The following GLI3 variants were observed in gnomAD, a reference collection of about 807,000 sequenced individuals.
GLI3 encodes the protein transcription activator GLI3.
GLI3 carries 20 observed loss-of-function variants against 100.8 expected under a neutral mutation model. That is an observed-to-expected ratio of 0.20 (90% CI 0.14 to 0.29). The LOEUF (loss-of-function observed/expected upper bound fraction) is 0.29, where lower values mean the gene tolerates loss of function less well. Ranked by LOEUF, GLI3 falls within the 10% of genes least tolerant of loss-of-function variation. GLI3 has a pLI of 1.00. For missense variants in GLI3, 2,040 were observed against 2,128.5 expected (o/e 0.96, Z 0.82); for synonymous variants, 938 against 860.5 (o/e 1.09, Z -1.58).
At chr7:42,117,925 AC>A (rs1471702227) in intron 3 of GLI3, among the ~76,000 whole-genome samples, 2 of 152,170 alleles carry the variant, frequency 1.3e-5, no homozygotes, top group African/African-American at 4.8e-5. Flanking sequence ...CCATGGAAGG[AC>A]GGCACCATAG....
chr7:42,001,628 C>A (rs1788298634), intron 10 of GLI3, among the ~76,000 whole-genome samples: 1 of 151,932 alleles, frequency 6.6e-6, no homozygotes, highest in South Asian at 2.1e-4. Context: ...AAAGGGATGG[C>A]AACAAAAATA....
chr7:42,077,337 CT>C (rs1335332117), intron 3 of GLI3, among the ~76,000 whole-genome samples: 1 of 151,508 alleles, frequency 6.6e-6, no homozygotes, highest in Non-Finnish European at 1.5e-5. Flanking sequence ...TTGCTAGAAT[CT>C]GTGGCTGATA....
chr7:42,155,265 C>T (rs1786974051), intron 2 of GLI3, among the ~76,000 whole-genome samples: 2 of 151,842 alleles, frequency 1.3e-5, no homozygotes, highest in South Asian at 4.2e-4. Flanking sequence ...CATGGAGAAA[C>T]CCCATCTCTA....
intron 3 of GLI3, among the ~76,000 whole-genome samples, chr7:42,120,232 C>T (rs970688632): frequency 6.6e-6 from 1 of 152,152 alleles, no homozygotes; most frequent in Non-Finnish European, 1.5e-5. Context: ...TGTTAAGGTG[C>T]AATTTGTGCA....
chr7:41,964,506 G>C lies in GLI3; in HGVS notation c.4567C>G (p.Leu1523Val), dbSNP rs1025821723. 3.1e-6 allele frequency: 5 copies of C among 1,614,038 alleles called. No homozygotes were observed. Among genetic ancestry groups the C allele is most frequent in the African/African-American group, 1.3e-5 (1 of 74,948 alleles). ...GDHSSLMSGA[L>V]SPSIIQNLSH... ...AGGTTCTGAATGATACTTGGGCTCA[G>C]GGCCCCCGACATCAGGCTGGAGTGG... Residue 1523 changes from leucine to valine, a missense_variant, in exon 15 of 15, where the codon CTG becomes GTG. Coordinates refer to ENST00000395925, the MANE Select transcript of GLI3 (RefSeq NM_000168.6).
chr7:41,986,331 T>C, intron 10 of GLI3, among the ~76,000 whole-genome samples: 1 of 152,166 alleles, frequency 6.6e-6, no homozygotes, highest in East Asian at 1.9e-4. Flanking sequence ...AAGGTAGATG[T>C]TTTATCTGAA....
At chr7:42,098,365 C>T (rs948088996) in intron 3 of GLI3, among the ~76,000 whole-genome samples, 4 of 150,826 alleles carry the variant, frequency 2.7e-5, no homozygotes, top group South Asian at 2.1e-4. Flanking sequence ...CAGCCATTTC[C>T]AAAAAAAAAC....
At chr7:42,080,259 C>G (rs1784970218) in intron 3 of GLI3, among the ~76,000 whole-genome samples, 1 of 152,118 alleles carries the variant, frequency 6.6e-6, no homozygotes, top group African/African-American at 2.4e-5. Context: ...ACTGTTGAGT[C>G]CACAGTATTC....
rs78350212 is a variant in GLI3 at position 42,106,464 on chromosome 7, G to C, written c.368-29607C>G. 3.2e-3 allele frequency among the ~76,000 whole-genome samples: 490 copies of C among 152,298 alleles called. 1 individual carries two copies. The highest frequency in any genetic ancestry group is 0.015 in the South Asian group (72 of 4,830). On this transcript the variant is annotated intron_variant, in intron 3 of 14. Transcript: ENST00000395925. ...ATCTTATGGCCACATGAGCAAGGAC[G>C]GGCTCCTGCCAAGGCATCTGGTAGC... is the stretch of plus-strand genomic sequence containing the variant.
At chr7:41,974,564 A>AAAAATAAG (rs1319870990) in intron 12 of GLI3, among the ~76,000 whole-genome samples, 1 of 152,236 alleles carries the variant, frequency 6.6e-6, no homozygotes, top group African/African-American at 2.4e-5. Flanking sequence ...ATCTGATAGG[A>AAAAATAAG]AAAATAAGAA....
At chr7:42,118,084 G>A in intron 3 of GLI3, 1 of 367,896 alleles carries the variant, frequency 2.7e-6, no homozygotes, top group Non-Finnish European at 4.8e-6. Context: ...TTCATACAGG[G>A]ATTTTTTTCT....
At chr7:42,051,134 G>A (rs1430071108) in intron 4 of GLI3, among the ~76,000 whole-genome samples, 1 of 152,170 alleles carries the variant, frequency 6.6e-6, no homozygotes, top group African/African-American at 2.4e-5. Flanking sequence ...GGAGCACTGG[G>A]CTCTACGGTC....
chr7:42,157,909 G>A (rs1360835215), intron 2 of GLI3, among the ~76,000 whole-genome samples: 3 of 152,070 alleles, frequency 2.0e-5, no homozygotes, highest in Admixed American at 6.6e-5. Flanking sequence ...AACACCCCCC[G>A]CTGGTATAGG....
At chr7:42,130,238 T>TTCCA (rs1240279215) in intron 3 of GLI3, among the ~76,000 whole-genome samples, 1 of 152,108 alleles carries the variant, frequency 6.6e-6, no homozygotes, top group African/African-American at 2.4e-5. Context: ...GGTCAGGATG[T>TTCCA]TCCATCCATC....
chr7:42,016,406 A>C (rs1216225606), intron 10 of GLI3, among the ~76,000 whole-genome samples: 1 of 152,202 alleles, frequency 6.6e-6, no homozygotes, highest in Non-Finnish European at 1.5e-5. Context: ...CCTGAATATT[A>C]ACCTAACCCC....
chr7:42,016,125 C>T (rs918901064), intron 10 of GLI3, among the ~76,000 whole-genome samples: 12 of 152,094 alleles, frequency 7.9e-5, no homozygotes, highest in African/African-American at 2.7e-4. Context: ...CAACCCCCAA[C>T]GCCAGAGAAT....
At chr7:42,171,385 T>A (rs917852128) in intron 2 of GLI3, among the ~76,000 whole-genome samples, 1 of 152,210 alleles carries the variant, frequency 6.6e-6, no homozygotes, top group Non-Finnish European at 1.5e-5. Flanking sequence ...TTAAAAAGAA[T>A]TTCCAACTCC....
rs1789014331 is a variant in GLI3 at position 42,249,910 on chromosome 7, C to T, written c.-43+14084G>A. 1.3e-5 allele frequency among the ~76,000 whole-genome samples: 2 copies of T among 152,098 alleles called. 1 individual carries two copies. The highest frequency in any genetic ancestry group is 4.1e-4 in the South Asian group (2 of 4,820). ...AGGAGTTTGAGATCACCCTGGGCAA[C>T]ATGATGAAACCCCAACTCTACAAAA... On this transcript the variant is annotated intron_variant, in intron 1 of 2. Transcript: ENST00000678978.
chr7:42,157,719 T>C (rs1442542909), intron 2 of GLI3, among the ~76,000 whole-genome samples: 4 of 152,132 alleles, frequency 2.6e-5, no homozygotes, highest in Non-Finnish European at 1.5e-5. Flanking sequence ...TGTCTTTTAT[T>C]TTTAATTCTA....
Sources: allele counts gnomAD v4.1 joint callset (sites outside exome capture counted in the v4.1 genomes callset), GRCh38; gene constraint gnomAD v4.1.1; transcripts MANE v1.5; gene names NCBI Gene and HGNC (gene_info 2026-07-23, HGNC 2026-07-21).